DUSP14: variants seen among roughly 807,000 people sequenced by gnomAD.
The protein encoded by DUSP14 is dual specificity protein phosphatase 14.
A neutral mutation model predicts 13.2 loss-of-function variants in DUSP14; 5 were observed. That is an observed-to-expected ratio of 0.38 (90% CI 0.20 to 0.80). The LOEUF (loss-of-function observed/expected upper bound fraction) is 0.80, where lower values mean the gene tolerates loss of function less well. Among genes scored for constraint, DUSP14 ranks in the 30% least tolerant of loss-of-function variants. The probability of loss-of-function intolerance (pLI) is 0.44; values close to 1 mark genes in which losing one functional copy is unlikely to be tolerated. For missense variants in DUSP14, 185 were observed against 264.0 expected (o/e 0.70, Z 2.07); for synonymous variants, 91 against 103.4 (o/e 0.88, Z 0.73).
chr17:37,502,724 CCT>C lies in DUSP14; in HGVS notation c.-180-7949_-180-7948del, dbSNP rs2054113199. 2.6e-5 allele frequency among the ~76,000 whole-genome samples: 4 copies of C among 152,164 alleles called. No individual in the cohort carries two copies. In the South Asian group the frequency reaches 8.3e-4, roughly 32 times the overall value. On this transcript the variant is annotated intron_variant, in intron 1 of 2. Coordinates refer to ENST00000617516, the MANE Select transcript of DUSP14 (RefSeq NM_007026.4). ...TGGGATGTTAGCTAAACACCCATGG[CCT>C]CTCCGTGTGGTAGCTCTGTTGAGCT...
rs765033929 is a variant in DUSP14 at position 37,498,314 on chromosome 17, C to CTTTTTTTTTTT, written c.-181+8376_-181+8386dup. On this transcript the variant is annotated intron_variant, in intron 1 of 2. Coordinates refer to ENST00000617516, the MANE Select transcript of DUSP14 (RefSeq NM_007026.4). ...ACTTGTTTTGTGTACTAGATTGTAT[C>CTTTTTTTTTTT]TTTTTTTTTTTTTTTTTTTTTTTTT... Among the ~76,000 whole-genome samples the CTTTTTTTTTTT allele has an allele frequency of 3.5e-4, 25 of 70,578 alleles. 3 individuals are homozygous for CTTTTTTTTTTT. The highest frequency in any genetic ancestry group is 1.5e-3 in the African/African-American group (25 of 16,952). 46.3% of individuals were successfully genotyped at this position (70,578 alleles called of 152,430 possible). A position where few individuals can be genotyped will look rare whatever the true frequency, so the allele number is the denominator to read the frequency against.
chr17:37,505,589 G>C (rs995805117), intron 1 of DUSP14, among the ~76,000 whole-genome samples: 6 of 150,112 alleles, frequency 4.0e-5, no homozygotes, highest in Admixed American at 2.6e-4. Context: ...GAAAAGAAAA[G>C]CCGTAGATAG....
intron 1 of DUSP14, among the ~76,000 whole-genome samples, chr17:37,505,464 T>TC: frequency 1.3e-5 from 2 of 152,236 alleles, no homozygotes; most frequent in Middle Eastern, 6.8e-3. Flanking sequence ...TGTAGGCCTC[T>TC]CCAGTATATA....
intron 1 of DUSP14, among the ~76,000 whole-genome samples, chr17:37,499,679 A>G (rs1232083469): frequency 1.3e-5 from 2 of 151,898 alleles, no homozygotes; most frequent in Non-Finnish European, 2.9e-5. Flanking sequence ...ATAGGTGCCC[A>G]CCACCACACC....
chr17:37,502,102 ACTG>A (rs2143086654), intron 1 of DUSP14, among the ~76,000 whole-genome samples: 1 of 152,180 alleles, frequency 6.6e-6, no homozygotes, highest in African/African-American at 2.4e-5. Flanking sequence ...TCTAGTTACT[ACTG>A]CTGCATAACA....
intron 1 of DUSP14, among the ~76,000 whole-genome samples, chr17:37,495,460 GTTTT>G (rs1472736727): frequency 6.6e-6 from 1 of 152,102 alleles, no homozygotes; most frequent in African/African-American, 2.4e-5. Flanking sequence ...CCTAGGGCAA[GTTTT>G]TTTGTTTGTT....
intron 1 of DUSP14, chr17:37,510,012 A>G (rs556571522): frequency 6.6e-6 from 1 of 152,362 alleles, no homozygotes; most frequent in South Asian, 2.1e-4. Flanking sequence ...AACATAAATG[A>G]ATAAAATAGG....
At chr17:37,494,758 C>T (rs1014753181) in intron 1 of DUSP14, among the ~76,000 whole-genome samples, 1 of 152,136 alleles carries the variant, frequency 6.6e-6, no homozygotes, top group Non-Finnish European at 1.5e-5. Context: ...CAGAATGTTA[C>T]GCAATTCTGT....
chr17:37,506,579 C>CG (rs1365915901), intron 1 of DUSP14, among the ~76,000 whole-genome samples: 2 of 152,124 alleles, frequency 1.3e-5, no homozygotes, highest in East Asian at 3.9e-4. Flanking sequence ...CCCTCAAATA[C>CG]GGGTCAAACT....
intron 1 of DUSP14, among the ~76,000 whole-genome samples, chr17:37,508,440 A>C (rs2054151929): frequency 6.6e-6 from 1 of 152,080 alleles, no homozygotes; most frequent in South Asian, 2.1e-4. Context: ...TGATAGAAAT[A>C]GTTGTAAATG....
At chr17:37,506,201 G>A (rs1313687580) in intron 1 of DUSP14, among the ~76,000 whole-genome samples, 1 of 152,056 alleles carries the variant, frequency 6.6e-6, no homozygotes, top group Non-Finnish European at 1.5e-5. Context: ...GGAGGCGGAG[G>A]TTGCAGTGAG....
intron 1 of DUSP14, among the ~76,000 whole-genome samples, chr17:37,499,616 TC>T (rs1265523274): frequency 6.6e-6 from 1 of 151,860 alleles, no homozygotes; most frequent in Non-Finnish European, 1.5e-5. Flanking sequence ...GCAACCTCCA[TC>T]CCCCCGGGTT....
At position 37,513,111 on chromosome 17, in the gene DUSP14, T is replaced by C. The variant is rs1432709147; in HGVS notation, c.*242T>C. 9.3e-6 allele frequency: 5 copies of C among 535,412 alleles called. No homozygotes were observed. The Admixed American group carries it at 1.4e-4, about 15-fold the overall frequency. The allele number at this position is 535,412 out of a possible 1,614,324, so 33.2% of individuals were successfully genotyped here. A position where few individuals can be genotyped will look rare whatever the true frequency, so the allele number is the denominator to read the frequency against. Reference sequence around the variant, plus strand: ...TAGTGTTTATGGAAATCTTTAGCTTTTAATCATTTTTACCAATTTGAACAG... The same window carrying C: ...TAGTGTTTATGGAAATCTTTAGCTTCTAATCATTTTTACCAATTTGAACAG... On this transcript the variant is annotated 3_prime_UTR_variant, in exon 3 of 3. Coordinates refer to ENST00000617516, the MANE Select transcript of DUSP14 (RefSeq NM_007026.4).
At chr17:37,503,852 C>G (rs1331774234) in intron 1 of DUSP14, among the ~76,000 whole-genome samples, 1 of 152,120 alleles carries the variant, frequency 6.6e-6, no homozygotes, top group Non-Finnish European at 1.5e-5. Context: ...TGTACTGCCC[C>G]TCTCCTTCTT....
intron 1 of DUSP14, among the ~76,000 whole-genome samples, chr17:37,506,305 AC>A (rs1399871668): frequency 6.7e-6 from 1 of 148,244 alleles, no homozygotes; most frequent in African/African-American, 2.5e-5. Context: ...AAACAAAAAA[AC>A]CCAAAAAACC....
chr17:37,495,681 G>C (rs897775757), intron 1 of DUSP14, among the ~76,000 whole-genome samples: 4 of 120,022 alleles, frequency 3.3e-5, no homozygotes, highest in African/African-American at 1.2e-4. Flanking sequence ...TTTTTTTTGA[G>C]ACGGAGTCTT....
intron 2 of DUSP14, among the ~76,000 whole-genome samples, 157 bp downstream of exon 2, chr17:37,510,921 G>C (rs1426415209): frequency 6.6e-6 from 1 of 151,802 alleles, no homozygotes; most frequent in Non-Finnish European, 1.5e-5. Context: ...TTTTTGGTGA[G>C]AGGAACGGAT....
chr17:37,506,935 C>A (rs1008497968), intron 1 of DUSP14, among the ~76,000 whole-genome samples: 1 of 151,424 alleles, frequency 6.6e-6, no homozygotes, highest in South Asian at 2.1e-4. Context: ...CAGATCCACA[C>A]CCCCCCGCGT....
chr17:37,495,722 C>T (rs1280157321), intron 1 of DUSP14, among the ~76,000 whole-genome samples: 6 of 151,768 alleles, frequency 4.0e-5, no homozygotes, highest in Non-Finnish European at 7.4e-5. Context: ...TGCAGTGGCG[C>T]GATCTCGGCT....
Sources: allele counts gnomAD v4.1 joint callset (sites outside exome capture counted in the v4.1 genomes callset), GRCh38; gene constraint gnomAD v4.1.1; transcripts MANE v1.5; gene names NCBI Gene and HGNC (gene_info 2026-07-23, HGNC 2026-07-21).